DNM3: variants seen among roughly 807,000 people sequenced by gnomAD.
The protein encoded by DNM3 is dynamin-3.
DNM3 carries 47 observed loss-of-function variants against 101.6 expected under a neutral mutation model. The observed-to-expected ratio is 0.46, with a 90% CI of 0.37 to 0.59. DNM3 has a LOEUF of 0.59. DNM3 is among the 20% of genes least tolerant of loss of function. The pLI is 0.00. For synonymous variants in DNM3, 385 were observed against 387.9 expected, an observed-to-expected ratio of 0.99 and a Z score of 0.09; for missense variants, 849 against 1,085.7, an observed-to-expected ratio of 0.78 and a Z score of 3.06.
chr1:171,960,710 T>G (rs2043161223), intron 2 of DNM3, among the ~76,000 whole-genome samples: 1 of 152,046 alleles, frequency 6.6e-6, no homozygotes, highest in African/African-American at 2.4e-5. Context: ...AGGGAATGCT[T>G]GGTGGAGCAC....
intron 4 of DNM3, among the ~76,000 whole-genome samples, chr1:171,992,194 T>A (rs908541382): frequency 8.5e-5 from 13 of 152,226 alleles, no homozygotes; most frequent in African/African-American, 3.1e-4. Context: ...TGCTATATTT[T>A]ACCCCTGTTG....
At position 172,412,300 on chromosome 1, in the gene DNM3, C is replaced by T. The variant is rs1273458164; in HGVS notation, c.*4459C>T. 2.0e-6 allele frequency: 2 copies of T among 985,228 alleles called. No homozygotes were observed. The highest frequency in any genetic ancestry group is 3.5e-5 in the African/African-American group (2 of 57,208). 61.0% of individuals were successfully genotyped at this position (985,228 alleles called of 1,614,324 possible). A position where few individuals can be genotyped will look rare whatever the true frequency, so the allele number is the denominator to read the frequency against. ...TTATGACAAAAATTACTCTGTCTAA[C>T]CACTTGCCTTGTCTGCTACCAGTTT... On this transcript the variant is annotated 3_prime_UTR_variant, in exon 21 of 21. Transcript: ENST00000627582.
intron 2 of DNM3, among the ~76,000 whole-genome samples, chr1:171,971,877 C>CT (rs2044018880): frequency 6.6e-6 from 1 of 152,146 alleles, no homozygotes; most frequent in Admixed American, 6.5e-5. Flanking sequence ...GTCTCTATAA[C>CT]TGATTAGACC....
chr1:172,162,656 C>T (rs868000430), intron 14 of DNM3, among the ~76,000 whole-genome samples: 15 of 151,996 alleles, frequency 9.9e-5, no homozygotes, highest in Middle Eastern at 3.4e-3. Flanking sequence ...TAAAGTGTTA[C>T]ATTATAATAT....
chr1:171,952,595 C>A (rs541250002), intron 2 of DNM3, among the ~76,000 whole-genome samples: 38 of 152,134 alleles, frequency 2.5e-4, no homozygotes, highest in Non-Finnish European at 4.6e-4. Context: ...CCATTTCAAT[C>A]GGTTGGGGAG....
intron 20 of DNM3, among the ~76,000 whole-genome samples, chr1:172,396,110 T>C (rs1381542509): frequency 1.3e-5 from 2 of 152,182 alleles, no homozygotes; most frequent in Non-Finnish European, 2.9e-5. Flanking sequence ...AAACCACAAA[T>C]AGCAAACACT....
At chr1:172,045,631 A>C (rs1336793682) in intron 9 of DNM3, among the ~76,000 whole-genome samples, 1 of 152,214 alleles carries the variant, frequency 6.6e-6, no homozygotes, top group Non-Finnish European at 1.5e-5. Context: ...GATAAGAACA[A>C]ATGATTTTAA....
At chr1:172,019,010 CCCCTCCCTTCCT>C (rs199533411) in intron 4 of DNM3, among the ~76,000 whole-genome samples, 37,395 of 136,136 alleles carry the variant, frequency 0.27, 5,925 homozygotes, top group East Asian at 0.44. Context: ...CTTCCTTCGC[CCCCTCCCTTCCT>C]CCCTCCCTTC....
Position 172,407,784 on chromosome 1 carries a change from C to T in DNM3, c.2535C>T (p.Pro845=). The T allele has an allele frequency of 6.2e-7, 1 of 1,613,178 alleles. No homozygotes were observed. Among genetic ancestry groups the T allele is most frequent in the African/African-American group, 1.3e-5 (1 of 74,970 alleles). Residue 845 remains proline (P), a synonymous_variant, in exon 21 of 21, where the codon CCC becomes CCT. Coordinates refer to ENST00000627582, the MANE Select transcript of DNM3 (RefSeq NM_015569.5). ...APPSVPSRRP[P]PSPTRPTIIR... is the part of the protein sequence containing the mutation. ...TTTCTCTTTCTAGCCGGAGACCACC[C>T]CCATCACCAACTCGTCCCACTATAA... is the stretch of plus-strand genomic sequence containing the variant.
At chr1:172,008,910 A>G (rs1035914205) in intron 4 of DNM3, among the ~76,000 whole-genome samples, 10 of 137,960 alleles carry the variant, frequency 7.2e-5, no homozygotes, top group African/African-American at 2.4e-4. Context: ...TAAATATATC[A>G]TATTAAATAT....
chr1:172,338,981 A>T, intron 17 of DNM3: 1 of 433,656 alleles, frequency 2.3e-6, no homozygotes, highest in South Asian at 1.7e-5. Flanking sequence ...AATAATATTA[A>T]CTTGTTCAAA....
At chr1:172,010,682 TTGTGTGTGTGTGTGTGTGTG>T (rs59701730) in intron 4 of DNM3, among the ~76,000 whole-genome samples, 1 of 112,728 alleles carries the variant, frequency 8.9e-6, no homozygotes, top group Non-Finnish European at 1.8e-5. Context: ...TTGGTATGTT[TTGTGTGTGTGTGTGTGTGTG>T]TGTGTGTGTG....
chr1:172,396,564 C>T (rs546949540), intron 20 of DNM3, among the ~76,000 whole-genome samples: 1 of 152,268 alleles, frequency 6.6e-6, no homozygotes, highest in East Asian at 1.9e-4. Flanking sequence ...AAATACACCA[C>T]CACAGGAGAA....
chr1:172,174,678 T>C (rs2059091768), intron 14 of DNM3, among the ~76,000 whole-genome samples: 1 of 151,690 alleles, frequency 6.6e-6, no homozygotes, highest in African/African-American at 2.4e-5. Context: ...TATGTGTTAG[T>C]AATGATGTCT....
intron 14 of DNM3, among the ~76,000 whole-genome samples, chr1:172,205,191 A>G (rs968965821): frequency 2.6e-5 from 4 of 152,132 alleles, no homozygotes; most frequent in Admixed American, 6.6e-5. Flanking sequence ...CAAACTTTTT[A>G]TCAGGGCATA....
intron 16 of DNM3, among the ~76,000 whole-genome samples, chr1:172,314,897 A>C (rs540886257): frequency 8.5e-5 from 13 of 152,314 alleles, no homozygotes; most frequent in African/African-American, 2.4e-4. Context: ...TGGTTCTCCC[A>C]GCACGCAGCT....
At chr1:172,337,855 ATTTTATTTTAT>A (rs1451736600) in intron 17 of DNM3, among the ~76,000 whole-genome samples, 5 of 135,418 alleles carry the variant, frequency 3.7e-5, no homozygotes, top group African/African-American at 8.0e-5. Context: ...ATTTTATTTT[ATTTTATTTTAT>A]TTTTATTTTA....
At chr1:172,067,966 C>T (rs1238689938) in intron 10 of DNM3, among the ~76,000 whole-genome samples, 1 of 152,174 alleles carries the variant, frequency 6.6e-6, no homozygotes, top group African/African-American at 2.4e-5. Context: ...CCTGAACCAA[C>T]CATTTTTGAG....
At chr1:172,308,860 A>G in intron 16 of DNM3, 21 bp downstream of exon 16, 1 of 1,424,304 alleles carries the variant, frequency 7.0e-7, no homozygotes, top group Non-Finnish European at 9.8e-7. Flanking sequence ...TATATCTCTT[A>G]TGTAAAAATT....
Sources: gnomAD v4.1 joint callset for allele counts (sites outside exome capture counted in the v4.1 genomes callset) on GRCh38, gnomAD v4.1.1 for gene constraint, MANE v1.5 for transcripts, NCBI Gene and HGNC (gene_info 2026-07-23, HGNC 2026-07-21) for gene names.